HDAC4: variants seen among roughly 807,000 people sequenced by gnomAD.
HDAC4 encodes the protein histone deacetylase 4, also known as histone deacetylase A.
A neutral mutation model predicts 135.1 loss-of-function variants in HDAC4; 16 were observed. The ratio of observed to expected loss-of-function variants is 0.12; its 90% CI spans 0.08 to 0.18. The LOEUF is 0.18. Among genes scored for constraint, HDAC4 ranks in the 10% least tolerant of loss-of-function variants. The pLI is 1.00. For synonymous variants in HDAC4, 685 were observed against 653.4 expected (o/e 1.05, Z -0.74); for missense variants, 1,143 against 1,511.8 (o/e 0.76, Z 4.05).
At chr2:239,088,699 C>T (rs999932354) in intron 18 of HDAC4, among the ~76,000 whole-genome samples, 7 of 151,832 alleles carry the variant, frequency 4.6e-5, no homozygotes, top group East Asian at 1.9e-4. Context: ...AGTAGATCTC[C>T]GCCCTCAAAC....
chr2:239,176,523 A>C lies in HDAC4; in HGVS notation c.380T>G (p.Leu127Arg). 6.2e-7 allele frequency: 1 copy of C among 1,613,426 alleles called. No individual in the cohort carries two copies. Among genetic ancestry groups the C allele is most frequent in the Non-Finnish European group, 8.5e-7 (1 of 1,179,876 alleles). The change falls in exon 5 of 27, where the codon CTG becomes CGG. Residue 127 changes from leucine (L) to arginine (R), a missense_variant. This residue lies in a region of HDAC4 where 247 missense variants were observed against 310.0 expected (regional missense o/e 0.80). Coordinates refer to ENST00000543185, the MANE Select transcript of HDAC4 (RefSeq NM_001378414.1). ...EMLAMKHQQE[L>R]LEHQRKLERH... ...CTCCAGCTTCCGCTGGTGTTCCAGCAGCTCCTGCTGGTGCTTCATGGCCAG... is the reference window on the plus strand; with the variant it reads ...CTCCAGCTTCCGCTGGTGTTCCAGCCGCTCCTGCTGGTGCTTCATGGCCAG...
intron 4 of HDAC4, among the ~76,000 whole-genome samples, chr2:239,181,911 C>T (rs554081648): frequency 2.6e-4 from 40 of 152,258 alleles, no homozygotes; most frequent in Non-Finnish European, 5.1e-4. Context: ...CTAGAGACGC[C>T]GACTTCCTGC....
chr2:239,220,342 G>T (rs1474963586), intron 3 of HDAC4, among the ~76,000 whole-genome samples: 2 of 152,188 alleles, frequency 1.3e-5, no homozygotes, highest in Non-Finnish European at 2.9e-5. Context: ...CTACATGTAA[G>T]TAACTACAAA....
intron 11 of HDAC4, among the ~76,000 whole-genome samples, chr2:239,133,391 G>A (rs975512654): frequency 2.0e-5 from 3 of 152,202 alleles, no homozygotes; most frequent in Admixed American, 6.5e-5. Context: ...GCAACAACAG[G>A]TTTCCAGGAA....
chr2:239,209,241 T>C (rs1392505117), intron 3 of HDAC4, among the ~76,000 whole-genome samples: 2 of 152,216 alleles, frequency 1.3e-5, no homozygotes, highest in South Asian at 2.1e-4. Context: ...TATTCAAGGA[T>C]AGGAAGACTT....
intron 2 of HDAC4, among the ~76,000 whole-genome samples, chr2:239,322,548 AT>A (rs940998308): frequency 6.6e-5 from 10 of 152,160 alleles, no homozygotes; most frequent in African/African-American, 2.4e-4. Context: ...GTAGTTGTTT[AT>A]TTACCCATCT....
At chr2:239,391,668 G>A (rs1696223885) in intron 1 of HDAC4, among the ~76,000 whole-genome samples, 1 of 152,224 alleles carries the variant, frequency 6.6e-6, no homozygotes, top group Non-Finnish European at 1.5e-5. Context: ...ACACCCCAGA[G>A]CCATGGAACA....
chr2:239,190,746 T>C (rs781127691), intron 3 of HDAC4, among the ~76,000 whole-genome samples: 2 of 152,156 alleles, frequency 1.3e-5, no homozygotes, highest in African/African-American at 2.4e-5. Context: ...CGCGAAGAAA[T>C]GGATTTTCTG....
chr2:239,066,569 G>C (rs192397656), intron 24 of HDAC4, among the ~76,000 whole-genome samples, 153 bp downstream of exon 24: 3 of 152,184 alleles, frequency 2.0e-5, no homozygotes, highest in Non-Finnish European at 4.4e-5. Flanking sequence ...AGAGCTATGC[G>C]GGGGTGGGGG....
At chr2:239,094,284 G>T (rs1351131011) in intron 17 of HDAC4, 1 of 985,352 alleles carries the variant, frequency 1.0e-6, no homozygotes, top group Non-Finnish European at 1.2e-6. Context: ...GGGGCCAGGG[G>T]AGAACTCTTT....
chr2:239,235,987 C>A (rs192488413), intron 3 of HDAC4, among the ~76,000 whole-genome samples: 2 of 152,180 alleles, frequency 1.3e-5, no homozygotes, highest in Non-Finnish European at 2.9e-5. Context: ...TTGCAGTGAG[C>A]CAAGATTACG....
rs1272371710 is a variant in HDAC4 at position 239,068,564 on chromosome 2, C to A, written c.2794G>T (p.Val932Leu). ...GCATCGAAGCCTGATGACACCAGCA[C>A]CACATCCGGGGCAAACTCGCTGGCG... Reference protein sequence around the residue: ...PIASEFAPDVVLVSSGFDAVE... With the variant: ...PIASEFAPDVLLVSSGFDAVE... The change falls in exon 23 of 27, where the codon GTG becomes TTG. Residue 932 changes from valine (V) to leucine (L), a missense_variant. This residue lies in a region of HDAC4 where 189 missense variants were observed against 317.6 expected (regional missense o/e 0.60). Coordinates refer to ENST00000543185, the MANE Select transcript of HDAC4 (RefSeq NM_001378414.1). This position sits in a 1 kb window ranked among gnomAD's most constrained non-coding sequence, Gnocchi z 4.4. 2 of 1,613,962 alleles carry A rather than the reference C, an allele frequency of 1.2e-6. No individual in the cohort carries two copies. Among genetic ancestry groups the A allele is most frequent in the Non-Finnish European group, 1.7e-6 (2 of 1,180,030 alleles).
rs934499899 is a variant in HDAC4 at position 239,266,059 on chromosome 2, C to T, written c.23-29395G>A. ...GGGGGACACAGAGCCCCTAAGCCTG[C>T]GCAGAGGCTGCTGTGGCATCCAGAG... On this transcript the variant is annotated intron_variant, in intron 2 of 26. Coordinates refer to ENST00000543185, the MANE Select transcript of HDAC4 (RefSeq NM_001378414.1). Among the ~76,000 whole-genome samples, 6 of 152,328 alleles carry T rather than the reference C, an allele frequency of 3.9e-5. No individual in the cohort carries two copies. The South Asian group carries it at 6.2e-4, about 16-fold the overall frequency.
At chr2:239,353,011 CTT>C in intron 1 of HDAC4, 93 bp from the exon 2 acceptor site, 1 of 378,950 alleles carries the variant, frequency 2.6e-6, no homozygotes, top group Non-Finnish European at 5.0e-6. Flanking sequence ...ATGACTTCCT[CTT>C]TTTTTTTGGA....
intron 17 of HDAC4, chr2:239,094,751 G>T: frequency 7.5e-7 from 1 of 1,337,346 alleles, no homozygotes; most frequent in Non-Finnish European, 9.7e-7. Context: ...ACAGGATCCT[G>T]TTTCTTAAAG....
chr2:239,216,188 GTT>G (rs2046622122), intron 3 of HDAC4, among the ~76,000 whole-genome samples: 1 of 108,194 alleles, frequency 9.2e-6, no homozygotes, highest in African/African-American at 2.8e-5. Flanking sequence ...AAACGCACGT[GTT>G]TATATATATA....
intron 9 of HDAC4, among the ~76,000 whole-genome samples, chr2:239,136,350 T>C (rs1003679282): frequency 6.6e-6 from 1 of 152,222 alleles, no homozygotes; most frequent in Non-Finnish European, 1.5e-5. Context: ...GTTCCATCTA[T>C]GTTGCTGCAA....
intron 7 of HDAC4, among the ~76,000 whole-genome samples, chr2:239,149,368 G>A (rs1023617936): frequency 7.7e-6 from 1 of 129,824 alleles, no homozygotes; most frequent in Admixed American, 7.9e-5. Flanking sequence ...GCGACGTTCC[G>A]TTTCAAAATA....
At position 239,131,938 on chromosome 2, in the gene HDAC4, C is replaced by G. The variant is rs144196558; in HGVS notation, c.1294+2307G>C. On this transcript the variant is annotated intron_variant, in intron 11 of 26. Transcript: ENST00000543185. Reference sequence around the variant, plus strand: ...GCCTTCAAGGAGAGTCCGGTGGATACAGGAGGACAGACCGGAGGGGAGGAA... The same window carrying G: ...GCCTTCAAGGAGAGTCCGGTGGATAGAGGAGGACAGACCGGAGGGGAGGAA... 1.3e-3 allele frequency among the ~76,000 whole-genome samples: 199 copies of G among 152,288 alleles called. 1 individual carries two copies. Among genetic ancestry groups the G allele is most frequent in the Non-Finnish European group, 5.7e-4 (39 of 68,034 alleles).
Sources: gnomAD v4.1 joint callset for allele counts (sites outside exome capture counted in the v4.1 genomes callset) on GRCh38, gnomAD v4.1.1 for gene constraint, gnomAD v4.1.1 regional missense constraint, Gnocchi (gnomAD v3.1) non-coding constraint, MANE v1.5 for transcripts, NCBI Gene and HGNC (gene_info 2026-07-23, HGNC 2026-07-21) for gene names.